Variants in ZCWPW2 observed in about 807,000 individuals in gnomAD.
The protein encoded by ZCWPW2 is zinc finger CW-type and PWWP domain containing 2, also known as zinc finger CW-type PWWP domain protein 2.
Under a neutral mutation model 46.6 loss-of-function variants are expected in ZCWPW2, and 45 were observed. That is an observed-to-expected ratio of 0.96 (90% CI 0.76 to 1.24). ZCWPW2 has a LOEUF of 1.24. Among genes scored for constraint, ZCWPW2 ranks in the 50% most tolerant of loss-of-function variants. The pLI, the probability that ZCWPW2 is intolerant of heterozygous loss-of-function variation, is 0.00. For missense variants in ZCWPW2, 429 were observed against 403.9 expected, an observed-to-expected ratio of 1.06 and a Z score of -0.53; for synonymous variants, 152 against 137.1, an observed-to-expected ratio of 1.11 and a Z score of -0.76.
At chr3:28,369,563 C>T (rs1010917055) in intron 1 of ZCWPW2, among the ~76,000 whole-genome samples, 1 of 152,116 alleles carries the variant, frequency 6.6e-6, no homozygotes, top group Non-Finnish European at 1.5e-5. Flanking sequence ...GTCAGTCTGC[C>T]CCTACTGGGA....
chr3:28,370,117 T>G (rs1575057752), intron 1 of ZCWPW2, among the ~76,000 whole-genome samples: 1 of 152,342 alleles, frequency 6.6e-6, no homozygotes, highest in South Asian at 2.1e-4. Flanking sequence ...GGTGAGGTGA[T>G]GCCTCTCCCT....
intron 1 of ZCWPW2, among the ~76,000 whole-genome samples, chr3:28,366,439 TTA>T (rs1165113509): frequency 1.8e-5 from 2 of 111,410 alleles, no homozygotes; most frequent in African/African-American, 7.3e-5. Flanking sequence ...ATATGCTGGA[TTA>T]TGTTTATTGA....
Position 28,478,900 on chromosome 3 carries a change from A to G in ZCWPW2, c.579A>G (p.Arg193=). ...TCTATGGATATTCTCATGAGCAAAG[A>G]CTGGAAATGTGCTGCCTATCAAAAC... The part of the protein sequence containing the change: ...CLLYGYSHEQ[R]LEMCCLSKLQ... Residue 193 remains arginine (R), a synonymous_variant, in exon 5 of 10, where the codon AGA becomes AGG. Transcript: ENST00000383768. 6.3e-7 allele frequency: 1 copy of G among 1,587,582 alleles called. No individual in the cohort carries two copies.
At chr3:28,408,692 A>G (rs1231354693) in intron 2 of ZCWPW2, among the ~76,000 whole-genome samples, 2 of 152,182 alleles carry the variant, frequency 1.3e-5, no homozygotes, top group African/African-American at 2.4e-5. Context: ...TCCAGTGTCA[A>G]TTTCATATTA....
intron 4 of ZCWPW2, among the ~76,000 whole-genome samples, chr3:28,457,495 T>G (rs565300930): frequency 2.0e-5 from 3 of 152,370 alleles, no homozygotes; most frequent in East Asian, 3.9e-4. Flanking sequence ...ATCCTGAGTT[T>G]TTAAAGGCTT....
chr3:28,496,032 T>A lies in ZCWPW2; in HGVS notation c.657+3859T>A, dbSNP rs373551045. Among the ~76,000 whole-genome samples, 8 of 152,064 alleles carry A rather than the reference T, an allele frequency of 5.3e-5. No individual in the cohort carries two copies. The East Asian group carries it at 7.7e-4, about 15-fold the overall frequency. On this transcript the variant is annotated intron_variant, in intron 6 of 9. Transcript: ENST00000383768. ...CAAAATAATACTGAAACACAGCATG[T>A]TAGGCTAAAAGCCAAGGAATGAGAA...
At chr3:28,353,709 A>G (rs1704634564) in intron 1 of ZCWPW2, among the ~76,000 whole-genome samples, 1 of 152,228 alleles carries the variant, frequency 6.6e-6, no homozygotes, top group Admixed American at 6.5e-5. Context: ...CATGAGTGCC[A>G]TAATTGTCTG....
At chr3:28,474,632 C>T (rs972047687) in intron 4 of ZCWPW2, among the ~76,000 whole-genome samples, 22 of 149,102 alleles carry the variant, frequency 1.5e-4, no homozygotes, top group East Asian at 5.9e-4. Flanking sequence ...CGCGCGCGCG[C>T]GCGCGCACAT....
intron 4 of ZCWPW2, among the ~76,000 whole-genome samples, chr3:28,444,802 G>A (rs193022343): frequency 2.2e-4 from 34 of 152,234 alleles, no homozygotes; most frequent in African/African-American, 7.0e-4. Flanking sequence ...GAACCTAGGA[G>A]GGACCAACCA....
chr3:28,515,585 G>A lies in ZCWPW2; in HGVS notation c.748G>A (p.Val250Ile). 1 of 1,607,584 alleles carries A rather than the reference G, an allele frequency of 6.2e-7. No individual in the cohort carries two copies. The highest frequency in any genetic ancestry group is 1.1e-5 in the South Asian group (1 of 90,822). The change falls in exon 8 of 10, where the codon GTT becomes ATT. Residue 250 changes from valine (V) to isoleucine (I), a missense_variant. Coordinates refer to ENST00000383768, the MANE Select transcript of ZCWPW2 (RefSeq NM_001040432.4). The part of the protein sequence containing the change: ...KAILKCSFEN[V>I]YSDDALSKEN... ...AATTTTAAAATGCTCTTTTGAAAAT[G>A]TTTATTCTGATGATGCCTTATCAAA...
At chr3:28,374,986 T>A (rs1045137079) in intron 1 of ZCWPW2, among the ~76,000 whole-genome samples, 1 of 151,986 alleles carries the variant, frequency 6.6e-6, no homozygotes, top group African/African-American at 2.4e-5. Context: ...TAATATTTGC[T>A]TTGTATACTT....
intron 6 of ZCWPW2, among the ~76,000 whole-genome samples, chr3:28,502,361 TTATTG>T (rs1247136779): frequency 6.6e-6 from 1 of 152,084 alleles, no homozygotes; most frequent in African/African-American, 2.4e-5. Flanking sequence ...CCGGTGCAGA[TTATTG>T]TATTTGCTCC....
intron 4 of ZCWPW2, among the ~76,000 whole-genome samples, chr3:28,458,934 C>G (rs1268906696): frequency 6.6e-6 from 1 of 152,118 alleles, no homozygotes; most frequent in East Asian, 1.9e-4. Context: ...ATAGCAGTAA[C>G]TGGTTATTAT....
rs1175390334 is a variant in ZCWPW2 at position 28,414,792 on chromosome 3, AT to A, written c.332+1399del. Among the ~76,000 whole-genome samples, 21 of 37,282 alleles carry A rather than the reference AT, an allele frequency of 5.6e-4. 1 individual carries two copies. Among genetic ancestry groups the A allele is most frequent in the South Asian group, 4.6e-3 (4 of 878 alleles). The allele number at this position is 37,282 out of a possible 152,430, so 24.5% of individuals were successfully genotyped here. ...TCCCTACAAAGGACATGAACTCATC[AT>A]TTTTTTATGGCTGCATAGTATTCCA... is the stretch of plus-strand genomic sequence containing the variant. On this transcript the variant is annotated intron_variant, in intron 3 of 9. Transcript: ENST00000383768.
At chr3:28,521,523 A>G (rs891761970) in intron 9 of ZCWPW2, among the ~76,000 whole-genome samples, 1 of 152,218 alleles carries the variant, frequency 6.6e-6, no homozygotes, top group Non-Finnish European at 1.5e-5. Context: ...GATAATCTCT[A>G]CAGGGACAAA....
At chr3:28,492,274 C>A in intron 6 of ZCWPW2, 101 bp downstream of exon 6, 1 of 1,086,560 alleles carries the variant, frequency 9.2e-7, no homozygotes. Context: ...CAATGACATA[C>A]AATCCATTTT....
At chr3:28,410,075 G>A (rs1373771971) in intron 2 of ZCWPW2, among the ~76,000 whole-genome samples, 1 of 152,088 alleles carries the variant, frequency 6.6e-6, no homozygotes, top group African/African-American at 2.4e-5. Context: ...GGACCAAGTA[G>A]TTTGGTTCCA....
At chr3:28,384,999 TAG>T (rs1282795405) in intron 1 of ZCWPW2, among the ~76,000 whole-genome samples, 1 of 152,248 alleles carries the variant, frequency 6.6e-6, no homozygotes, top group Non-Finnish European at 1.5e-5. Flanking sequence ...TTTGTCAGTC[TAG>T]AATTTATGTT....
chr3:28,388,585 T>C (rs759374961), intron 1 of ZCWPW2, among the ~76,000 whole-genome samples: 11 of 152,176 alleles, frequency 7.2e-5, no homozygotes, highest in Non-Finnish European at 1.3e-4. Flanking sequence ...TCAGTATATC[T>C]TATATTACAA....
Sources: allele counts gnomAD v4.1 joint callset (sites outside exome capture counted in the v4.1 genomes callset), GRCh38; gene constraint gnomAD v4.1.1; transcripts MANE v1.5; gene names NCBI Gene and HGNC (gene_info 2026-07-23, HGNC 2026-07-21).